Variants in TTLL8 observed in about 807,000 individuals in gnomAD.
TTLL8 encodes tubulin tyrosine ligase like 8.
A neutral mutation model predicts 77.8 loss-of-function variants in TTLL8; 65 were observed. The observed-to-expected ratio is 0.84, with a 90% CI of 0.68 to 1.03. TTLL8 has a LOEUF of 1.03. Among genes scored for constraint, TTLL8 ranks in the 50% least tolerant of loss-of-function variants. The pLI, the probability that TTLL8 is intolerant of heterozygous loss-of-function variation, is 0.00. For missense variants in TTLL8, 910 were observed against 1,004.5 expected, an observed-to-expected ratio of 0.91 and a Z score of 1.27; for synonymous variants, 402 against 422.8, an observed-to-expected ratio of 0.95 and a Z score of 0.60.
intron 12 of TTLL8, among the ~76,000 whole-genome samples, chr22:50,029,978 C>G (rs934043883): frequency 6.6e-6 from 1 of 152,176 alleles, no homozygotes; most frequent in African/African-American, 2.4e-5. Context: ...GGGGGCCGGG[C>G]GTGGTGGCTC....
chr22:50,049,136 C>T (rs999280625), intron 3 of TTLL8, 113 bp downstream of exon 5: 66 of 1,319,082 alleles, frequency 5.0e-5, no homozygotes, highest in South Asian at 4.5e-4. Context: ...GGGGCTTTGC[C>T]CTCGCCGGGC....
chr22:50,033,937 G>A (rs532226776), intron 9 of TTLL8, among the ~76,000 whole-genome samples: 13 of 152,322 alleles, frequency 8.5e-5, no homozygotes, highest in African/African-American at 3.1e-4. Context: ...GGAGGCTAAG[G>A]CAGGAGAATT....
intron 8 of TTLL8, among the ~76,000 whole-genome samples, chr22:50,038,020 C>G (rs187733314): frequency 1.3e-5 from 2 of 152,158 alleles, no homozygotes; most frequent in African/African-American, 4.8e-5. Context: ...TACACACACA[C>G]ACACACACGT....
upstream of TTLL8, chr22:50,057,020 G>A (rs2061474299): frequency 8.0e-7 from 1 of 1,253,552 alleles, no homozygotes. Context: ...AGGGTGTGGG[G>A]GGCTCTGGGG....
At chr22:50,051,324 A>G (rs2061442732) in intron 1 of TTLL8, among the ~76,000 whole-genome samples, 1 of 152,252 alleles carries the variant, frequency 6.6e-6, no homozygotes, top group Admixed American at 6.5e-5. Flanking sequence ...GCTTGGAAGA[A>G]TGGCCTTCAG....
intron 4 of TTLL8, among the ~76,000 whole-genome samples, chr22:50,046,908 C>T (rs2061415936): frequency 6.6e-6 from 1 of 152,242 alleles, no homozygotes; most frequent in Non-Finnish European, 1.5e-5. Context: ...CAGTCAGCCC[C>T]ATCTTTGGCC....
intron 1 of TTLL8, among the ~76,000 whole-genome samples, chr22:50,052,999 AT>A (rs1287580468): frequency 6.6e-6 from 1 of 152,194 alleles, no homozygotes; most frequent in African/African-American, 2.4e-5. Context: ...AGGTGGGTGG[AT>A]CACCTGAGGT....
chr22:50,020,231 C>T (rs2061186401), intron 12 of TTLL8, among the ~76,000 whole-genome samples: 1 of 152,082 alleles, frequency 6.6e-6, no homozygotes, highest in Admixed American at 6.5e-5. Context: ...CTCCATCTGA[C>T]ATGTACTCCT....
At chr22:50,050,431 G>A (rs916905525) in intron 1 of TTLL8, among the ~76,000 whole-genome samples, 184 bp from the exon 4 acceptor site, 3 of 151,140 alleles carry the variant, frequency 2.0e-5, no homozygotes, top group Admixed American at 6.6e-5. Flanking sequence ...GGAGTGCAGT[G>A]GGGCAATCTC....
intron 8 of TTLL8, among the ~76,000 whole-genome samples, chr22:50,039,912 A>G (rs1601924979): frequency 2.4e-5 from 3 of 125,720 alleles, no homozygotes; most frequent in Non-Finnish European, 5.0e-5. Flanking sequence ...CCCCACGTGT[A>G]TCAGTGTGGA....
chr22:50,034,389 A>G lies in TTLL8; in HGVS notation c.995T>C (p.Ile332Thr). 7.3e-7 allele frequency: 1 copy of G among 1,367,154 alleles called. No individual in the cohort carries two copies. The highest frequency in any genetic ancestry group is 9.8e-7 in the Non-Finnish European group (1 of 1,021,820). The allele number at this position is 1,367,154 out of a possible 1,614,324, so 84.7% of individuals were successfully genotyped here. A position where few individuals can be genotyped will look rare whatever the true frequency, so the allele number is the denominator to read the frequency against. The stretch of plus-strand genomic sequence containing the variant: ...CCGGGACTTGGCCGCGGGCTTTATA[A>G]TCCAGATGTTCCGGAGCCCGTCAAT... The change falls in exon 9 of 14, where the codon ATT becomes ACT. Residue 332 changes from isoleucine to threonine, a missense_variant. Coordinates refer to ENST00000266182, the Ensembl canonical transcript of TTLL8. This position sits in a 1 kb window ranked among gnomAD's most constrained non-coding sequence, Gnocchi z 4.1.
upstream of TTLL8, among the ~76,000 whole-genome samples, chr22:50,057,298 TGGG>T (rs1320814071): frequency 2.6e-4 from 14 of 54,038 alleles, no homozygotes; most frequent in African/African-American, 1.2e-3. Flanking sequence ...GGTCTGGGTT[TGGG>T]GGTCAGGACT....
At chr22:50,021,521 T>C (rs1236247241) in intron 12 of TTLL8, among the ~76,000 whole-genome samples, 3 of 138,874 alleles carry the variant, frequency 2.2e-5, no homozygotes, top group Non-Finnish European at 4.6e-5. Context: ...CACTCCTCCA[T>C]CTGACGTGCA....
At position 50,041,702 on chromosome 22, in the gene TTLL8, A is replaced by C. The variant is rs772727047; in HGVS notation, c.749T>G (p.Ile250Ser). The C allele has an allele frequency of 4.4e-6, 6 of 1,366,790 alleles. No individual in the cohort carries two copies. 84.7% of individuals were successfully genotyped at this position (1,366,790 alleles called of 1,614,324 possible). A position where few individuals can be genotyped will look rare whatever the true frequency, so the allele number is the denominator to read the frequency against. The change falls in exon 7 of 14, where the codon ATC becomes AGC. Residue 250 changes from isoleucine (I) to serine (S), a missense_variant. Physicochemically the swap from Ile to Ser is moderately radical, Grantham distance 142. Transcript: ENST00000266182. This position sits in a 1 kb window ranked among gnomAD's most constrained non-coding sequence, Gnocchi z 4.3. The stretch of plus-strand genomic sequence containing the variant: ...CTCCACGGCATCTGCTGACGTGTCG[A>C]TGTCCTCATGCTCCAGCTGCCCCAG...
intron 10 of TTLL8, 21 bp downstream of exon 11, chr22:50,033,181 C>A: frequency 7.7e-7 from 1 of 1,299,828 alleles, no homozygotes; most frequent in Non-Finnish European, 1.0e-6. Context: ...CCGAGGTGTC[C>A]AGGTCGCCCA....
rs1447553840 is a variant in TTLL8 at position 50,041,178 on chromosome 22, A to T, written c.921+9T>A. ...CAGGTGCCCCAGTGGAGAGACAGAC[A>T]AACCCCACCTGCCTGTCTCGGGCTG... On this transcript the variant is annotated intron_variant, in intron 8 of 13. Coordinates refer to ENST00000266182, the Ensembl canonical transcript of TTLL8. The surrounding 1 kb of genome is among the most constrained non-coding windows in gnomAD (Gnocchi z 4.3). 5 of 432,584 alleles carry T rather than the reference A, an allele frequency of 1.2e-5. No individual in the cohort carries two copies. The highest frequency in any genetic ancestry group is 2.3e-5 in the Non-Finnish European group (5 of 219,330). The allele number at this position is 432,584 out of a possible 1,614,324, so 26.8% of individuals were successfully genotyped here.
intron 8 of TTLL8, among the ~76,000 whole-genome samples, chr22:50,040,649 C>T (rs1027241925): frequency 6.6e-6 from 1 of 152,198 alleles, no homozygotes; most frequent in Non-Finnish European, 1.5e-5. Context: ...ACACTGTGTG[C>T]CCTTAACCGT....
chr22:50,056,128 T>C (rs901771450), upstream of TTLL8, among the ~76,000 whole-genome samples: 6 of 152,034 alleles, frequency 3.9e-5, no homozygotes, highest in Admixed American at 2.6e-4. This position sits in a 1 kb window ranked among gnomAD's most constrained non-coding sequence, Gnocchi z 4.1. Context: ...GTTCTGATTA[T>C]CAAAAGGAAG....
At chr22:50,038,028 C>G (rs546875826) in intron 8 of TTLL8, among the ~76,000 whole-genome samples, 2 of 152,082 alleles carry the variant, frequency 1.3e-5, no homozygotes, top group African/African-American at 4.8e-5. Flanking sequence ...CACACACACA[C>G]GTTTATTAGG....
Sources: gnomAD v4.1 joint callset for allele counts (sites outside exome capture counted in the v4.1 genomes callset) on GRCh38, gnomAD v4.1.1 for gene constraint, Gnocchi (gnomAD v3.1) non-coding constraint, MANE v1.5 for transcripts, NCBI Gene and HGNC (gene_info 2026-07-23, HGNC 2026-07-21) for gene names.